ZNF385B: variants seen among roughly 807,000 people sequenced by gnomAD.
ZNF385B encodes the protein zinc finger protein 533.
In ZNF385B, 23 loss-of-function variants were observed where a neutral mutation model predicts 39.2. The ratio of observed to expected loss-of-function variants is 0.59; its 90% CI spans 0.42 to 0.83. ZNF385B has a LOEUF of 0.83. ZNF385B is among the 40% of genes least tolerant of loss of function. The pLI, the probability that ZNF385B is intolerant of heterozygous loss-of-function variation, is 0.00. For synonymous variants in ZNF385B, 205 were observed against 222.6 expected, an observed-to-expected ratio of 0.92 and a Z score of 0.70; for missense variants, 552 against 598.9, an observed-to-expected ratio of 0.92 and a Z score of 0.82.
intron 5 of ZNF385B, among the ~76,000 whole-genome samples, chr2:179,516,387 T>C (rs961084060): frequency 2.6e-5 from 4 of 152,132 alleles, no homozygotes; most frequent in African/African-American, 7.2e-5. Flanking sequence ...CTGTACCATT[T>C]TGTATTCTCA....
At chr2:179,579,093 T>C (rs1448365452) in intron 3 of ZNF385B, among the ~76,000 whole-genome samples, 1 of 152,126 alleles carries the variant, frequency 6.6e-6, no homozygotes, top group Non-Finnish European at 1.5e-5. Context: ...GTCATTATGG[T>C]TGACATAAGA....
intron 5 of ZNF385B, among the ~76,000 whole-genome samples, chr2:179,513,795 C>T (rs2057874374): frequency 6.6e-6 from 1 of 152,134 alleles, no homozygotes; most frequent in South Asian, 2.1e-4. Flanking sequence ...GCTTATCATA[C>T]AGGAGGAGTT....
intron 3 of ZNF385B, among the ~76,000 whole-genome samples, chr2:179,728,556 T>A (rs994880087): frequency 2.6e-5 from 4 of 152,164 alleles, no homozygotes; most frequent in Non-Finnish European, 2.9e-5. Context: ...CATTTGTGGA[T>A]CTTGGGTCTT....
chr2:179,861,335 C>G lies in ZNF385B; in HGVS notation c.-389G>C, dbSNP rs1575613593. ...GCCCCTGAACTGTCCAACTCTTGCCCGCGCCGGGCTTAAGCGCCCGGCCGC... is the reference window on the plus strand; with the variant it reads ...GCCCCTGAACTGTCCAACTCTTGCCGGCGCCGGGCTTAAGCGCCCGGCCGC... On this transcript the variant is annotated 5_prime_UTR_variant, in exon 1 of 10. Transcript: ENST00000410066. The G allele has an allele frequency of 6.6e-6, 1 of 151,184 alleles. No individual in the cohort carries two copies. Among genetic ancestry groups the G allele is most frequent in the Admixed American group, 6.6e-5 (1 of 15,172 alleles). 9.4% of individuals were successfully genotyped at this position (151,184 alleles called of 1,614,324 possible).
chr2:179,805,608 TACC>T (rs1706300887), intron 1 of ZNF385B, among the ~76,000 whole-genome samples: 1 of 152,218 alleles, frequency 6.6e-6, no homozygotes, highest in Non-Finnish European at 1.5e-5. Flanking sequence ...TGTGGCAAAT[TACC>T]TAACTTGCCT....
At chr2:179,524,413 G>C (rs575108156) in intron 4 of ZNF385B, among the ~76,000 whole-genome samples, 2 of 151,512 alleles carry the variant, frequency 1.3e-5, no homozygotes, top group African/African-American at 2.4e-5. Context: ...TTAGCCGGGC[G>C]TGGTGGTGGG....
intron 3 of ZNF385B, among the ~76,000 whole-genome samples, chr2:179,724,042 C>T (rs1414228414): frequency 6.6e-6 from 1 of 152,172 alleles, no homozygotes; most frequent in Non-Finnish European, 1.5e-5. Flanking sequence ...GGCACAGTGG[C>T]TCACGCCTGT....
chr2:179,569,751 A>AT (rs1427098100), intron 3 of ZNF385B, among the ~76,000 whole-genome samples: 4 of 152,190 alleles, frequency 2.6e-5, no homozygotes, highest in Non-Finnish European at 5.9e-5. Flanking sequence ...AAAGGTCAAT[A>AT]TTGGCTTATA....
intron 3 of ZNF385B, among the ~76,000 whole-genome samples, chr2:179,747,573 T>C (rs1009791026): frequency 3.3e-5 from 5 of 152,140 alleles, no homozygotes; most frequent in African/African-American, 9.7e-5. Context: ...AAAATAGTCA[T>C]AGGAATAGTT....
intron 3 of ZNF385B, among the ~76,000 whole-genome samples, chr2:179,663,437 G>A (rs1322594970): frequency 1.3e-5 from 2 of 152,130 alleles, no homozygotes; most frequent in South Asian, 2.1e-4. Flanking sequence ...AACGCTAGGC[G>A]CGGTGGCTCA....
intron 3 of ZNF385B, among the ~76,000 whole-genome samples, chr2:179,636,313 A>G (rs1559012885): frequency 6.6e-6 from 1 of 152,204 alleles, no homozygotes; most frequent in Admixed American, 6.5e-5. Flanking sequence ...GGTAGAATCT[A>G]GAAGCCATTC....
intron 3 of ZNF385B, among the ~76,000 whole-genome samples, chr2:179,620,882 C>G (rs1690151980): frequency 6.6e-6 from 1 of 152,078 alleles, no homozygotes; most frequent in Non-Finnish European, 1.5e-5. Flanking sequence ...TCACATTATG[C>G]TCTGCACTAG....
chr2:179,569,405 C>T (rs1684959026), intron 3 of ZNF385B, among the ~76,000 whole-genome samples: 1 of 152,150 alleles, frequency 6.6e-6, no homozygotes, highest in Admixed American at 6.6e-5. Flanking sequence ...CTCTGAAATA[C>T]TTCACAGCAA....
At chr2:179,686,752 T>A (rs1697953464) in intron 3 of ZNF385B, among the ~76,000 whole-genome samples, 1 of 152,166 alleles carries the variant, frequency 6.6e-6, no homozygotes, top group African/African-American at 2.4e-5. Flanking sequence ...AAAAAGTATT[T>A]CTATTTTAAC....
At chr2:179,802,683 G>GAAT (rs1462721581) in intron 1 of ZNF385B, 1 of 152,034 alleles carries the variant, frequency 6.6e-6, no homozygotes, top group Non-Finnish European at 1.5e-5. Context: ...TGATACTTTA[G>GAAT]AATGGTACAG....
At chr2:179,589,083 T>C (rs963610378) in intron 3 of ZNF385B, among the ~76,000 whole-genome samples, 3 of 152,194 alleles carry the variant, frequency 2.0e-5, no homozygotes, top group African/African-American at 7.2e-5. Context: ...TGGTACCCCA[T>C]ATCTTTTCAG....
chr2:179,504,390 C>G (rs1010373971), intron 5 of ZNF385B, among the ~76,000 whole-genome samples: 15 of 152,032 alleles, frequency 9.9e-5, no homozygotes, highest in African/African-American at 3.6e-4. Flanking sequence ...GGGTATATAT[C>G]CAGTAATGGG....
At chr2:179,742,701 A>C (rs2106453123) in intron 3 of ZNF385B, among the ~76,000 whole-genome samples, 2 of 152,174 alleles carry the variant, frequency 1.3e-5, no homozygotes, top group Admixed American at 1.3e-4. Flanking sequence ...ATACCTCAAA[A>C]GAAAGTACAA....
chr2:179,729,278 C>T (rs1281280473), intron 3 of ZNF385B, among the ~76,000 whole-genome samples: 1 of 152,062 alleles, frequency 6.6e-6, no homozygotes, highest in Non-Finnish European at 1.5e-5. Flanking sequence ...ATCAAGCAAA[C>T]ATCATTGACA....
Sources: allele counts gnomAD v4.1 joint callset (sites outside exome capture counted in the v4.1 genomes callset), GRCh38; gene constraint gnomAD v4.1.1; transcripts MANE v1.5; gene names NCBI Gene and HGNC (gene_info 2026-07-23, HGNC 2026-07-21).